Variants in LRRC9 observed in about 807,000 individuals in gnomAD.
LRRC9 encodes the protein leucine-rich repeat-containing protein 9.
A neutral mutation model predicts 63.2 loss-of-function variants in LRRC9; 122 were observed. The observed-to-expected ratio is 1.93, with a 90% CI of 1.67 to 2.24. LRRC9 has a LOEUF of 2.24. Ranked by LOEUF, LRRC9 falls within the 30% of genes most tolerant of loss-of-function variation. The pLI, the probability that LRRC9 is intolerant of heterozygous loss-of-function variation, is 0.00. For synonymous variants in LRRC9, 366 were observed against 213.1 expected (o/e 1.72, Z -6.25); for missense variants, 1,071 against 627.7 (o/e 1.71, Z -7.55).
intron 8 of LRRC9, among the ~76,000 whole-genome samples, chr14:59,955,424 G>C (rs1391719850): frequency 6.6e-6 from 1 of 152,034 alleles, no homozygotes; most frequent in Non-Finnish European, 1.5e-5. Flanking sequence ...TTCTAGTTTA[G>C]TTGTGTAAAG....
intron 17 of LRRC9, among the ~76,000 whole-genome samples, chr14:59,985,849 T>A (rs893487389): frequency 6.6e-6 from 1 of 152,194 alleles, no homozygotes; most frequent in Middle Eastern, 3.2e-3. Context: ...GTACCAGTGG[T>A]CATATCTCAT....
At chr14:60,046,955 C>T (rs1893484730) in intron 29 of LRRC9, among the ~76,000 whole-genome samples, 1 of 152,152 alleles carries the variant, frequency 6.6e-6, no homozygotes. Context: ...TTGTAGTTCT[C>T]CTTGAAGAGG....
intron 19 of LRRC9, among the ~76,000 whole-genome samples, 156 bp from the exon 20 acceptor site, chr14:60,001,810 C>G (rs1341421811): frequency 6.6e-6 from 1 of 152,064 alleles, no homozygotes; most frequent in Non-Finnish European, 1.5e-5. Flanking sequence ...TAAAATGTAT[C>G]TAGATATTGA....
intron 27 of LRRC9, among the ~76,000 whole-genome samples, chr14:60,024,006 T>C (rs1891323153): frequency 6.6e-6 from 1 of 152,168 alleles, no homozygotes; most frequent in African/African-American, 2.4e-5. Flanking sequence ...TAGTATTCCA[T>C]GGTGTATATG....
At chr14:60,028,811 C>G (rs142765296) in intron 28 of LRRC9, among the ~76,000 whole-genome samples, 230 of 152,274 alleles carry the variant, frequency 1.5e-3, no homozygotes, top group African/African-American at 5.1e-3. Context: ...CCGCCAAGGG[C>G]AGAGACCAAG....
intron 10 of LRRC9, among the ~76,000 whole-genome samples, chr14:59,965,601 T>G (rs1884750797): frequency 6.6e-6 from 1 of 151,890 alleles, no homozygotes; most frequent in African/African-American, 2.4e-5. Context: ...AATTAGATAC[T>G]GGGGCCGGGC....
intron 3 of LRRC9, among the ~76,000 whole-genome samples, chr14:59,929,982 G>A (rs957735035): frequency 2.0e-5 from 3 of 151,996 alleles, no homozygotes; most frequent in Middle Eastern, 6.8e-3. Flanking sequence ...TGCTTAATAC[G>A]TGGGTGATAA....
chr14:60,036,838 C>T (rs956314920), intron 29 of LRRC9, among the ~76,000 whole-genome samples: 3 of 151,886 alleles, frequency 2.0e-5, no homozygotes, highest in Non-Finnish European at 4.4e-5. Flanking sequence ...CATATGTATA[C>T]ATGCGCCATG....
intron 29 of LRRC9, among the ~76,000 whole-genome samples, chr14:60,041,469 C>A (rs1375648019): frequency 5.3e-5 from 8 of 151,458 alleles, no homozygotes; most frequent in African/African-American, 1.9e-4. Flanking sequence ...TTACTCTAAA[C>A]TTCTCACTTC....
chr14:59,993,475 A>G (rs1888395731), intron 17 of LRRC9, among the ~76,000 whole-genome samples: 1 of 152,220 alleles, frequency 6.6e-6, no homozygotes, highest in Non-Finnish European at 1.5e-5. Flanking sequence ...TTAAACTTAA[A>G]TGTAAATGGG....
In LRRC9 at chr14:59,986,763, T is replaced by A. The variant is rs1245939178; in HGVS notation, c.2211+1539T>A. Among the ~76,000 whole-genome samples the A allele has an allele frequency of 1.3e-5, 2 of 152,200 alleles. No homozygotes were observed. The highest frequency in any genetic ancestry group is 4.8e-5 in the African/African-American group (2 of 41,464). On this transcript the variant is annotated intron_variant, in intron 17 of 31. Coordinates refer to ENST00000445360, the Ensembl canonical transcript of LRRC9. The surrounding 1 kb of genome is among the most constrained non-coding windows in gnomAD (Gnocchi z 4.7). ...ATGTGGTGGTGGTGTTCAACTTTAA[T>A]ACAAAAATTATTTTCATTATCATAG...
At chr14:59,998,219 CTATT>C (rs2140189403) in intron 18 of LRRC9, among the ~76,000 whole-genome samples, 1 of 152,068 alleles carries the variant, frequency 6.6e-6, no homozygotes, top group African/African-American at 2.4e-5. Flanking sequence ...GAGGGGCACA[CTATT>C]AAGGAAGAAA....
intron 29 of LRRC9, among the ~76,000 whole-genome samples, chr14:60,037,889 T>C (rs767783189): frequency 6.6e-6 from 1 of 152,212 alleles, no homozygotes; most frequent in African/African-American, 2.4e-5. Flanking sequence ...CTAGGGTTTT[T>C]ATGGTTTTAG....
intron 30 of LRRC9, among the ~76,000 whole-genome samples, chr14:60,055,138 A>T (rs1052804279): frequency 8.5e-5 from 13 of 152,254 alleles, no homozygotes; most frequent in African/African-American, 3.1e-4. Flanking sequence ...TATAGGTCAA[A>T]GTAGCTACAA....
rs939056762 is a variant in LRRC9, at chr14:60,058,782, G to A, written c.4276+760G>A. ...ACAATAATTATAAAATGATCTAAGA[G>A]CCTCCTATAAAAAAAAGTAGACTGT... On this transcript the variant is annotated intron_variant, in intron 31 of 31. Transcript: ENST00000445360. This position sits in a 1 kb window ranked among gnomAD's most constrained non-coding sequence, Gnocchi z 4.4. Among the ~76,000 whole-genome samples, 2 of 149,662 alleles carry A rather than the reference G, an allele frequency of 1.3e-5. No homozygotes were observed. The highest frequency in any genetic ancestry group is 4.8e-5 in the African/African-American group (2 of 41,328).
rs1204786611 is a variant in LRRC9 at position 59,947,788 on chromosome 14, T to A, written c.882+3044T>A. On this transcript the variant is annotated intron_variant, in intron 8 of 31. Transcript: ENST00000445360. ...GAATCCTTTCCCCATTGCTTGTTTT[T>A]CTCAGGTTTGTCAAAGATCAGATAG... 2.0e-5 allele frequency among the ~76,000 whole-genome samples: 3 copies of A among 148,492 alleles called. No individual in the cohort carries two copies. In the East Asian group the frequency reaches 6.2e-4, roughly 30 times the overall value.
At position 59,961,467 on chromosome 14, in the gene LRRC9, T is replaced by C. The variant is rs189226781; in HGVS notation, c.1211+422T>C. Among the ~76,000 whole-genome samples the C allele has an allele frequency of 6.9e-4, 105 of 152,320 alleles. 2 individuals are homozygous for C. Among genetic ancestry groups the C allele is most frequent in the African/African-American group, 2.4e-3 (98 of 41,576 alleles). On this transcript the variant is annotated intron_variant, in intron 10 of 31. Transcript: ENST00000445360. ...AGAGAGCAGGAATGCCAAAGCAGGA[T>C]TGGCAACAGCAGGTTGCCAACATGG...
At chr14:59,995,915 G>T (rs911029407) in intron 17 of LRRC9, among the ~76,000 whole-genome samples, 7 of 152,012 alleles carry the variant, frequency 4.6e-5, no homozygotes, top group Non-Finnish European at 8.8e-5. Context: ...GCTAATTTTT[G>T]TATTTTTCGT....
At chr14:60,029,070 C>T (rs948742427) in intron 28 of LRRC9, among the ~76,000 whole-genome samples, 4 of 152,064 alleles carry the variant, frequency 2.6e-5, no homozygotes, top group Admixed American at 6.6e-5. Context: ...AAACATTCAT[C>T]TGAGAAAAGC....
Sources: allele counts gnomAD v4.1 joint callset (sites outside exome capture counted in the v4.1 genomes callset), GRCh38; gene constraint gnomAD v4.1.1; non-coding constraint Gnocchi (gnomAD v3.1); transcripts MANE v1.5; gene names NCBI Gene and HGNC (gene_info 2026-07-23, HGNC 2026-07-21).